RALY: variants seen among roughly 807,000 people sequenced by gnomAD.
The protein encoded by RALY is RNA-binding protein Raly.
Under a neutral mutation model 30.7 loss-of-function variants are expected in RALY, and 15 were observed. The ratio of observed to expected loss-of-function variants is 0.49; its 90% CI spans 0.33 to 0.75. The LOEUF (loss-of-function observed/expected upper bound fraction) is 0.75, where lower values mean the gene tolerates loss of function less well. Among genes scored for constraint, RALY ranks in the 30% least tolerant of loss-of-function variants. The probability of loss-of-function intolerance (pLI) is 0.02; values close to 1 mark genes in which losing one functional copy is unlikely to be tolerated. For missense variants in RALY, 339 were observed against 414.3 expected (o/e 0.82, Z 1.58); for synonymous variants, 177 against 170.8 (o/e 1.04, Z -0.28).
chr20:34,045,672 T>G (rs2032855906), intron 2 of RALY, among the ~76,000 whole-genome samples: 1 of 152,204 alleles, frequency 6.6e-6, no homozygotes, highest in African/African-American at 2.4e-5. Flanking sequence ...TGAATCCCAT[T>G]TAATACCTTC....
chr20:34,019,927 G>A (rs2031754095), intron 1 of RALY, among the ~76,000 whole-genome samples: 1 of 152,046 alleles, frequency 6.6e-6, no homozygotes, highest in Admixed American at 6.6e-5. Context: ...CGGGCGTAGT[G>A]GTGGGCGCCT....
At chr20:34,065,189 T>C (rs2033534999) in intron 2 of RALY, 1 of 152,218 alleles carries the variant, frequency 6.6e-6, no homozygotes, top group African/African-American at 2.4e-5. Context: ...AAGTGGGTAA[T>C]AATAGAAATT....
chr20:34,051,580 A>C (rs1043710824), intron 2 of RALY, among the ~76,000 whole-genome samples: 1 of 152,034 alleles, frequency 6.6e-6, no homozygotes, highest in Admixed American at 6.6e-5. Flanking sequence ...TTGCACTCTG[A>C]GTCTTTGAAA....
chr20:34,070,619 A>C (rs1042868573), intron 2 of RALY, among the ~76,000 whole-genome samples: 72 of 152,220 alleles, frequency 4.7e-4, no homozygotes, highest in African/African-American at 1.7e-3. Context: ...CTGGGAAGCA[A>C]AATGATAAAG....
At chr20:34,053,465 A>G (rs2033146577) in intron 2 of RALY, among the ~76,000 whole-genome samples, 1 of 127,780 alleles carries the variant, frequency 7.8e-6, no homozygotes, top group Non-Finnish European at 1.5e-5. Context: ...TGGCACAGTC[A>G]TGGCTCACTG....
At chr20:33,999,517 T>C (rs1276664717) in intron 1 of RALY, among the ~76,000 whole-genome samples, 2 of 152,162 alleles carry the variant, frequency 1.3e-5, no homozygotes, top group African/African-American at 4.8e-5. Flanking sequence ...TGGAAACTGC[T>C]TACGTTAAGC....
intron 1 of RALY, chr20:34,017,710 G>A (rs1601418602): frequency 1.3e-5 from 2 of 152,248 alleles, no homozygotes; most frequent in Non-Finnish European, 2.9e-5. Flanking sequence ...AGAGGGAAGG[G>A]ATTCATAACT....
intron 1 of RALY, chr20:33,994,384 C>T (rs927332787): frequency 2.0e-5 from 3 of 152,526 alleles, no homozygotes; most frequent in Admixed American, 6.5e-5. Context: ...CCTGTCTGCT[C>T]TCTCCGCGGG....
At chr20:34,044,160 T>G (rs1247710173) in intron 2 of RALY, among the ~76,000 whole-genome samples, 1 of 152,100 alleles carries the variant, frequency 6.6e-6, no homozygotes, top group Admixed American at 6.5e-5. Context: ...GTGGTTAGGG[T>G]TAAAGTTACC....
intron 2 of RALY, among the ~76,000 whole-genome samples, chr20:34,070,879 T>C (rs1251405566): frequency 6.6e-6 from 1 of 152,176 alleles, no homozygotes; most frequent in African/African-American, 2.4e-5. Context: ...ATGAAAAGTT[T>C]AATTGGTTCA....
rs188286667 is a variant in RALY at position 34,082,512 on chromosome 20, C to T, written c.*2607C>T. 2 of 152,328 alleles carry T rather than the reference C, an allele frequency of 1.3e-5. No homozygotes were observed. Among genetic ancestry groups the T allele is most frequent in the East Asian group, 3.9e-4 (2 of 5,188 alleles). The allele number at this position is 152,328 out of a possible 1,614,324, so 9.4% of individuals were successfully genotyped here. ...GTGACCATAGGCTTCCTTAGTATGCCAGGCTTGGAGAACCGTGAGAAAAGC... is the reference window on the plus strand; with the variant it reads ...GTGACCATAGGCTTCCTTAGTATGCTAGGCTTGGAGAACCGTGAGAAAAGC... On this transcript the variant is annotated 3_prime_UTR_variant, in exon 10 of 10. Transcript: ENST00000246194.
At chr20:34,073,926 AT>A (rs1415589215) in intron 5 of RALY, 60 bp downstream of exon 5, 5 of 1,567,014 alleles carry the variant, frequency 3.2e-6, no homozygotes, top group Non-Finnish European at 4.4e-6. Flanking sequence ...GTCTTGAGAG[AT>A]TGTTGGTGCA....
intron 2 of RALY, among the ~76,000 whole-genome samples, chr20:34,047,052 C>T (rs2032907009): frequency 1.3e-5 from 2 of 152,094 alleles, no homozygotes; most frequent in Non-Finnish European, 2.9e-5. Flanking sequence ...CTACTGACCT[C>T]AGGTGATCCT....
chr20:34,072,577 A>G (rs1240887738), intron 3 of RALY, among the ~76,000 whole-genome samples: 1 of 152,244 alleles, frequency 6.6e-6, no homozygotes, highest in Non-Finnish European at 1.5e-5. Flanking sequence ...CAGGCTTTAC[A>G]GTTCCAGTTA....
chr20:34,009,767 A>G (rs1481189923), intron 1 of RALY, among the ~76,000 whole-genome samples: 1 of 152,064 alleles, frequency 6.6e-6, no homozygotes, highest in East Asian at 1.9e-4. Flanking sequence ...TTTGTTCTCA[A>G]GTTTGTCAAA....
chr20:34,031,696 A>G (rs2032284547), intron 2 of RALY, 92 bp downstream of exon 2: 1 of 152,186 alleles, frequency 6.6e-6, no homozygotes, highest in Non-Finnish European at 1.5e-5. Flanking sequence ...TAGTACAGAT[A>G]ACTTACAAGT....
At chr20:34,078,335 C>G (rs557517737) in intron 8 of RALY, among the ~76,000 whole-genome samples, 170 bp from the exon 9 acceptor site, 4 of 152,348 alleles carry the variant, frequency 2.6e-5, no homozygotes, top group Admixed American at 2.6e-4. Context: ...GTTCCCAAGC[C>G]AGCTTTGTTG....
chr20:34,073,063 G>A (rs971339406), intron 3 of RALY, among the ~76,000 whole-genome samples: 2 of 152,112 alleles, frequency 1.3e-5, no homozygotes, highest in Admixed American at 6.5e-5. Context: ...TAGGCATGAA[G>A]GTGTTTGGTA....
At chr20:34,005,808 G>A (rs2031132257) in intron 1 of RALY, among the ~76,000 whole-genome samples, 1 of 152,206 alleles carries the variant, frequency 6.6e-6, no homozygotes, top group African/African-American at 2.4e-5. Flanking sequence ...AGTCTTCACA[G>A]ATACGTCTTT....
Sources: allele counts gnomAD v4.1 joint callset (sites outside exome capture counted in the v4.1 genomes callset), GRCh38; gene constraint gnomAD v4.1.1; transcripts MANE v1.5; gene names NCBI Gene and HGNC (gene_info 2026-07-23, HGNC 2026-07-21).